GPATCH2: variants seen among roughly 807,000 people sequenced by gnomAD.
GPATCH2 encodes G patch domain-containing protein 2.
A neutral mutation model predicts 58.0 loss-of-function variants in GPATCH2; 51 were observed. The observed-to-expected ratio is 0.88, with a 90% CI of 0.70 to 1.11. GPATCH2 has a LOEUF of 1.11. Ranked by LOEUF, GPATCH2 falls within the 50% of genes most tolerant of loss-of-function variation. The probability of loss-of-function intolerance (pLI) is 0.00; values close to 1 mark genes in which losing one functional copy is unlikely to be tolerated. For synonymous variants in GPATCH2, 222 were observed against 218.5 expected (o/e 1.02, Z -0.14); for missense variants, 625 against 652.2 (o/e 0.96, Z 0.45).
At chr1:217,523,795 G>GC (rs539745733) in intron 5 of GPATCH2, among the ~76,000 whole-genome samples, 22,234 of 143,462 alleles carry the variant, frequency 0.15, 2,015 homozygotes, top group East Asian at 0.43. Flanking sequence ...GGCTGGCCAG[G>GC]TGGGGGGCTG....
chr1:217,519,656 T>G (rs1274554627), intron 5 of GPATCH2, among the ~76,000 whole-genome samples: 3 of 152,176 alleles, frequency 2.0e-5, no homozygotes, highest in African/African-American at 7.2e-5. Flanking sequence ...AACTATGGCT[T>G]ACACTGAAAG....
chr1:217,629,733 T>G (rs948659836), intron 1 of GPATCH2, among the ~76,000 whole-genome samples: 2 of 152,200 alleles, frequency 1.3e-5, no homozygotes, highest in African/African-American at 4.8e-5. Context: ...TCTATGCTAG[T>G]TATACCATTA....
chr1:217,471,545 G>A (rs1660721794), intron 8 of GPATCH2, among the ~76,000 whole-genome samples: 1 of 152,136 alleles, frequency 6.6e-6, no homozygotes, highest in African/African-American at 2.4e-5. Context: ...AAGAGCAGCT[G>A]TAACTCTATC....
chr1:217,626,420 T>A (rs1046062650), intron 1 of GPATCH2, among the ~76,000 whole-genome samples: 2 of 152,168 alleles, frequency 1.3e-5, no homozygotes, highest in Non-Finnish European at 2.9e-5. Context: ...AAAATGTTGG[T>A]TGGTCCTAAA....
At chr1:217,617,294 C>T (rs1336193284) in intron 2 of GPATCH2, among the ~76,000 whole-genome samples, 1 of 152,208 alleles carries the variant, frequency 6.6e-6, no homozygotes, top group Non-Finnish European at 1.5e-5. Flanking sequence ...AATGCCATTT[C>T]CCTCTCTTCT....
rs1668566014 is a variant in GPATCH2, at chr1:217,610,348, T to C, written c.1071A>G (p.Lys357=). The part of the protein sequence containing the change: ...RLHGMSSKNI[K]KSGGTPTSMV... ...TTGAAGTTGGAGTCCCTCCAGATTT[T>C]TTAATATTCTTTGAAGACATTCCAT... is the stretch of plus-strand genomic sequence containing the variant. Residue 357 remains lysine, a synonymous_variant, in exon 5 of 10, where the codon AAA becomes AAG. Transcript: ENST00000366935. 6.2e-7 allele frequency: 1 copy of C among 1,602,910 alleles called. No individual in the cohort carries two copies. Among genetic ancestry groups the C allele is most frequent in the African/African-American group, 1.3e-5 (1 of 74,780 alleles).
chr1:217,550,631 A>G (rs1665308494), intron 5 of GPATCH2, among the ~76,000 whole-genome samples: 2 of 152,020 alleles, frequency 1.3e-5, no homozygotes, highest in African/African-American at 4.8e-5. Context: ...ACAAAATAAA[A>G]AATGTTTAAT....
At chr1:217,547,344 C>G in intron 5 of GPATCH2, among the ~76,000 whole-genome samples, 1 of 122,178 alleles carries the variant, frequency 8.2e-6, no homozygotes, top group Non-Finnish European at 1.8e-5. Context: ...GCCTGGGTGA[C>G]AGCGCAAAAA....
At chr1:217,503,103 TA>T (rs1307197324) in intron 6 of GPATCH2, among the ~76,000 whole-genome samples, 2 of 152,020 alleles carry the variant, frequency 1.3e-5, no homozygotes, top group Non-Finnish European at 2.9e-5. Flanking sequence ...GTAGGAAGAA[TA>T]AAAATAAATG....
chr1:217,452,650 C>T (rs2102474092), intron 8 of GPATCH2, among the ~76,000 whole-genome samples: 1 of 152,234 alleles, frequency 6.6e-6, no homozygotes, highest in East Asian at 1.9e-4. Flanking sequence ...ACTTCAGGAA[C>T]AACCAACTCC....
chr1:217,491,485 CA>C (rs923488925), intron 8 of GPATCH2, 194 bp downstream of exon 8: 2 of 257,584 alleles, frequency 7.8e-6, no homozygotes, highest in Non-Finnish European at 1.4e-5. Flanking sequence ...TTATTTTTTA[CA>C]AGTTTAAAAA....
chr1:217,560,140 G>T (rs1412697759), intron 5 of GPATCH2, among the ~76,000 whole-genome samples: 1 of 152,162 alleles, frequency 6.6e-6, no homozygotes, highest in Non-Finnish European at 1.5e-5. Flanking sequence ...ACCATGCCCG[G>T]CCAGAATGCC....
At chr1:217,462,111 A>C (rs962537770) in intron 8 of GPATCH2, among the ~76,000 whole-genome samples, 1 of 152,206 alleles carries the variant, frequency 6.6e-6, no homozygotes. Context: ...AAGATCTTTG[A>C]ACCAAAGGCA....
intron 8 of GPATCH2, among the ~76,000 whole-genome samples, chr1:217,452,964 T>C (rs960304087): frequency 3.3e-5 from 5 of 152,184 alleles, no homozygotes; most frequent in African/African-American, 1.2e-4. Context: ...CCATTTAGGC[T>C]TGCCCCACAC....
At chr1:217,565,933 C>G (rs554782038) in intron 5 of GPATCH2, among the ~76,000 whole-genome samples, 4 of 151,904 alleles carry the variant, frequency 2.6e-5, no homozygotes, top group South Asian at 4.2e-4. Flanking sequence ...GAAACCTCAT[C>G]TCTACTAAAA....
At position 217,430,948 on chromosome 1, in the gene GPATCH2, A is replaced by T. The variant is rs1658504885; in HGVS notation, c.*197T>A. 1.7e-6 allele frequency: 1 copy of T among 591,534 alleles called. No homozygotes were observed. Among genetic ancestry groups the T allele is most frequent in the Non-Finnish European group, 3.0e-6 (1 of 332,658 alleles). The allele number at this position is 591,534 out of a possible 1,614,324, so 36.6% of individuals were successfully genotyped here. A position where few individuals can be genotyped will look rare whatever the true frequency, so the allele number is the denominator to read the frequency against. On this transcript the variant is annotated 3_prime_UTR_variant, in exon 10 of 10. Transcript: ENST00000366935. ...ATTACTGAAAAAAATTAAAGTGCAG[A>T]GGTTTTCATTTTAGCACCATGAATT... is the stretch of plus-strand genomic sequence containing the variant.
At chr1:217,544,585 C>T (rs1664934626) in intron 5 of GPATCH2, among the ~76,000 whole-genome samples, 1 of 152,178 alleles carries the variant, frequency 6.6e-6, no homozygotes, top group African/African-American at 2.4e-5. Flanking sequence ...GCCTTCCATA[C>T]CCAGGCTGCT....
chr1:217,449,523 C>A (rs190136757), intron 8 of GPATCH2, among the ~76,000 whole-genome samples, 186 bp from the exon 9 acceptor site: 1 of 152,104 alleles, frequency 6.6e-6, no homozygotes, highest in Admixed American at 6.5e-5. Flanking sequence ...CAGCTAAATG[C>A]GCCATCATAA....
At chr1:217,482,399 A>G (rs1382461804) in intron 8 of GPATCH2, among the ~76,000 whole-genome samples, 1 of 152,158 alleles carries the variant, frequency 6.6e-6, no homozygotes, top group Non-Finnish European at 1.5e-5. Flanking sequence ...TGGACCTTAC[A>G]CTGAGCAGAG....
Sources: gnomAD v4.1 joint callset for allele counts (sites outside exome capture counted in the v4.1 genomes callset) on GRCh38, gnomAD v4.1.1 for gene constraint, MANE v1.5 for transcripts, NCBI Gene and HGNC (gene_info 2026-07-23, HGNC 2026-07-21) for gene names.